The following CSMD1 variants were observed in gnomAD, a reference collection of about 807,000 sequenced individuals.
CSMD1 encodes the protein CUB and Sushi multiple domains 1.
CSMD1 carries 213 observed loss-of-function variants against 417.5 expected under a neutral mutation model. The observed-to-expected ratio is 0.51, with a 90% CI of 0.46 to 0.57. The LOEUF (loss-of-function observed/expected upper bound fraction) is 0.57, where lower values mean the gene tolerates loss of function less well. Ranked by LOEUF, CSMD1 falls within the 20% of genes least tolerant of loss-of-function variation. CSMD1 has a pLI of 0.00. For synonymous variants in CSMD1, 2,862 were observed against 1,736.8 expected, an observed-to-expected ratio of 1.65 and a Z score of -16.11; for missense variants, 6,923 against 4,529.7, an observed-to-expected ratio of 1.53 and a Z score of -15.17.
At chr8:3,686,056 C>A (rs375075897) in intron 7 of CSMD1, among the ~76,000 whole-genome samples, 1 of 151,818 alleles carries the variant, frequency 6.6e-6, no homozygotes. Flanking sequence ...TTGCCCCCAC[C>A]CCTCACTATT....
At chr8:3,895,929 C>G (rs983391785) in intron 5 of CSMD1, among the ~76,000 whole-genome samples, 1 of 152,172 alleles carries the variant, frequency 6.6e-6, no homozygotes, top group Non-Finnish European at 1.5e-5. Flanking sequence ...GAGGCACCAA[C>G]CAATAGGCAC....
chr8:4,792,288 A>G (rs189291568), intron 1 of CSMD1, among the ~76,000 whole-genome samples: 25 of 152,314 alleles, frequency 1.6e-4, no homozygotes, highest in African/African-American at 5.8e-4. Flanking sequence ...ACACCCCTAT[A>G]AAGGTGCATG....
intron 4 of CSMD1, among the ~76,000 whole-genome samples, chr8:4,001,315 C>G (rs1815655064): frequency 6.6e-6 from 1 of 152,138 alleles, no homozygotes; most frequent in Non-Finnish European, 1.5e-5. Context: ...GGACACCAGC[C>G]ATAGCTCCAG....
At chr8:4,911,483 G>A (rs12550301) in intron 1 of CSMD1, among the ~76,000 whole-genome samples, 57,912 of 151,966 alleles carry the variant, frequency 0.38, 11,597 homozygotes, top group Non-Finnish European at 0.45. Flanking sequence ...TAAGGTGTGG[G>A]TCTATACCTC....
chr8:3,458,306 T>C (rs1229128818), intron 12 of CSMD1, among the ~76,000 whole-genome samples: 2 of 152,212 alleles, frequency 1.3e-5, no homozygotes, highest in South Asian at 2.1e-4. Context: ...TATGTGCTGA[T>C]ATATTTAAAT....
At chr8:4,679,522 A>G (rs1230873716) in intron 1 of CSMD1, among the ~76,000 whole-genome samples, 1 of 152,198 alleles carries the variant, frequency 6.6e-6, no homozygotes, top group East Asian at 1.9e-4. Context: ...CGCTTCTGGC[A>G]TTGGCCCCAA....
At chr8:3,825,829 T>A (rs924232579) in intron 5 of CSMD1, among the ~76,000 whole-genome samples, 12 of 152,150 alleles carry the variant, frequency 7.9e-5, no homozygotes, top group African/African-American at 2.7e-4. Context: ...TAAATCCCAT[T>A]TAAATATGAA....
rs141202723 is a variant in CSMD1 at position 3,743,844 on chromosome 8, C to G, written c.931+10086G>C. ...CACAAATGCATATCTGCTTCCTCCT[C>G]TAACCAATTTCGTCTATGTTATCGT... is the stretch of plus-strand genomic sequence containing the variant. On this transcript the variant is annotated intron_variant, in intron 6 of 69. Coordinates refer to ENST00000635120, the MANE Select transcript of CSMD1 (RefSeq NM_033225.6). Among the ~76,000 whole-genome samples, 52 of 152,338 alleles carry G rather than the reference C, an allele frequency of 3.4e-4. 1 individual carries two copies. The highest frequency in any genetic ancestry group is 1.0e-3 in the African/African-American group (43 of 41,578).
intron 1 of CSMD1, among the ~76,000 whole-genome samples, chr8:4,753,061 A>C (rs1439372150): frequency 6.6e-6 from 1 of 152,206 alleles, no homozygotes; most frequent in Non-Finnish European, 1.5e-5. Flanking sequence ...ACTTTATCTC[A>C]TTTAACCCTC....
chr8:3,376,124 T>C (rs956824519), intron 18 of CSMD1, among the ~76,000 whole-genome samples: 3 of 152,186 alleles, frequency 2.0e-5, no homozygotes, highest in Non-Finnish European at 2.9e-5. Context: ...TGATTGCAAA[T>C]ACAGCAGGTT....
At chr8:3,414,188 A>C (rs577090112) in intron 12 of CSMD1, among the ~76,000 whole-genome samples, 5 of 140,476 alleles carry the variant, frequency 3.6e-5, no homozygotes, top group African/African-American at 1.3e-4. Flanking sequence ...TTTGGTATCA[A>C]TTCAAAGACT....
At chr8:4,462,337 G>C (rs994849102) in intron 2 of CSMD1, among the ~76,000 whole-genome samples, 1 of 151,988 alleles carries the variant, frequency 6.6e-6, no homozygotes, top group Non-Finnish European at 1.5e-5. Flanking sequence ...AGTGTTTAAA[G>C]AAATTGAAGA....
At chr8:4,808,207 G>C (rs1320279790) in intron 1 of CSMD1, among the ~76,000 whole-genome samples, 1 of 152,216 alleles carries the variant, frequency 6.6e-6, no homozygotes, top group Non-Finnish European at 1.5e-5. Context: ...GCCAGCACCA[G>C]TCGGTCAGCA....
chr8:4,529,930 T>C (rs578164794), intron 2 of CSMD1, among the ~76,000 whole-genome samples: 2 of 152,054 alleles, frequency 1.3e-5, no homozygotes, highest in South Asian at 4.2e-4. Flanking sequence ...TGTTTGTCTG[T>C]TTGAGACCGA....
At chr8:4,279,936 C>T (rs1796688325) in intron 3 of CSMD1, among the ~76,000 whole-genome samples, 2 of 152,126 alleles carry the variant, frequency 1.3e-5, no homozygotes, top group African/African-American at 2.4e-5. Flanking sequence ...AGATACAAAT[C>T]ACAAGAAAAG....
intron 49 of CSMD1, among the ~76,000 whole-genome samples, chr8:3,063,258 C>G (rs1172299431): frequency 6.6e-6 from 1 of 152,168 alleles, no homozygotes; most frequent in Non-Finnish European, 1.5e-5. Context: ...CATGTTGTCT[C>G]TGATAATGAA....
intron 10 of CSMD1, among the ~76,000 whole-genome samples, chr8:3,514,133 C>T (rs957880075): frequency 6.6e-6 from 1 of 152,160 alleles, no homozygotes; most frequent in South Asian, 2.1e-4. Context: ...ATCAATCTCT[C>T]CGTAATCACT....
chr8:3,740,542 G>A (rs1193281819), intron 6 of CSMD1, among the ~76,000 whole-genome samples: 1 of 152,192 alleles, frequency 6.6e-6, no homozygotes, highest in African/African-American at 2.4e-5. Flanking sequence ...ACGGAAAGGA[G>A]AAGGATTTCT....
intron 3 of CSMD1, among the ~76,000 whole-genome samples, chr8:4,349,943 T>C (rs559314464): frequency 2.6e-5 from 4 of 152,224 alleles, no homozygotes; most frequent in African/African-American, 9.6e-5. Flanking sequence ...TGCCAAACTT[T>C]AACAAAACAA....
Sources: gnomAD v4.1 joint callset for allele counts (sites outside exome capture counted in the v4.1 genomes callset) on GRCh38, gnomAD v4.1.1 for gene constraint, MANE v1.5 for transcripts, NCBI Gene and HGNC (gene_info 2026-07-23, HGNC 2026-07-21) for gene names.